MEIS1: variants seen among roughly 807,000 people sequenced by gnomAD.
MEIS1 encodes homeobox protein Meis1.
Under a neutral mutation model 50.8 loss-of-function variants are expected in MEIS1, and 5 were observed. The observed-to-expected ratio is 0.10, with a 90% CI of 0.05 to 0.21. The LOEUF is 0.21. MEIS1 is among the 10% of genes least tolerant of loss of function. MEIS1 has a pLI of 1.00. For missense variants in MEIS1, 318 were observed against 517.3 expected, an observed-to-expected ratio of 0.61 and a Z score of 3.74; for synonymous variants, 176 against 179.3, an observed-to-expected ratio of 0.98 and a Z score of 0.15.
chr2:66,490,632 GT>G lies in MEIS1; in HGVS notation c.743-21511del, dbSNP rs376376421. 1.2e-4 allele frequency among the ~76,000 whole-genome samples: 18 copies of G among 152,146 alleles called. No homozygotes were observed. In the East Asian group the frequency reaches 1.4e-3, roughly 11 times the overall value. ...TTTCAATGATTCAAGCCATGCATAG[GT>G]TTTTTCCCCCATTGCAATATGATCT... On this transcript the variant is annotated intron_variant, in intron 7 of 12. Transcript: ENST00000272369.
chr2:66,495,079 C>T (rs6546233), intron 7 of MEIS1, among the ~76,000 whole-genome samples: 89,201 of 128,406 alleles, frequency 0.69, 33,424 homozygotes, highest in Non-Finnish European at 0.82. Flanking sequence ...CCTCTTCTGA[C>T]CTTTTTTTTT....
intron 7 of MEIS1, among the ~76,000 whole-genome samples, chr2:66,505,605 T>G (rs1558542718): frequency 6.6e-6 from 1 of 152,174 alleles, no homozygotes; most frequent in African/African-American, 2.4e-5. Flanking sequence ...ACTGAGTTTC[T>G]CAGCTATGGT....
chr2:66,484,567 A>AT lies in MEIS1; in HGVS notation c.742+20355dup, dbSNP rs199837844. Among the ~76,000 whole-genome samples the AT allele has an allele frequency of 4.6e-3, 701 of 151,056 alleles. 25 individuals carry two copies. Among genetic ancestry groups the AT allele is most frequent in the Admixed American group, 0.04 (602 of 15,142 alleles). Reference sequence around the variant, plus strand: ...CTTTCTTTCTTTCTTTTATTTATTTATTTTTTTTGAGATGGAGTTTCACTT... The same window carrying AT: ...CTTTCTTTCTTTCTTTTATTTATTTATTTTTTTTTGAGATGGAGTTTCACTT... On this transcript the variant is annotated intron_variant, in intron 7 of 12. Transcript: ENST00000272369.
chr2:66,554,709 T>C (rs1341632357), intron 9 of MEIS1, among the ~76,000 whole-genome samples: 1 of 152,118 alleles, frequency 6.6e-6, no homozygotes, highest in Non-Finnish European at 1.5e-5. Flanking sequence ...ATAATGTGAA[T>C]CAAAGAGAAG....
intron 9 of MEIS1, among the ~76,000 whole-genome samples, chr2:66,553,620 T>C (rs547351871): frequency 2.6e-5 from 4 of 152,352 alleles, no homozygotes; most frequent in Admixed American, 2.0e-4. Context: ...GGAAAAGAGC[T>C]GTGAATTTAG....
rs1675488755 is a variant in MEIS1, at chr2:66,571,570, A to G, written c.*362A>G. On this transcript the variant is annotated 3_prime_UTR_variant, in exon 13 of 13. Transcript: ENST00000272369. ...ATTGTCTGCAATGGTGACTGATTTC[A>G]AATCATGTTTTTTCTGCAATGACTG... The G allele has an allele frequency of 6.5e-7, 1 of 1,548,888 alleles. No individual in the cohort carries two copies. The highest frequency in any genetic ancestry group is 8.7e-7 in the Non-Finnish European group (1 of 1,146,116).
At position 66,436,892 on chromosome 2, in the gene MEIS1, G is replaced by A. The variant is rs1328943765; in HGVS notation, c.13-845G>A. The stretch of plus-strand genomic sequence containing the variant: ...AAGTAGTTTTTTTTTTTTTTTTCTG[G>A]AAGAGGAAGATGGAAAGTTGTGCAT... On this transcript the variant is annotated intron_variant, in intron 1 of 12. Transcript: ENST00000272369. 4 of 964,384 alleles carry A rather than the reference G, an allele frequency of 4.1e-6. No homozygotes were observed. The African/African-American group carries it at 5.5e-5, about 13-fold the overall frequency. The allele number at this position is 964,384 out of a possible 1,614,324, so 59.7% of individuals were successfully genotyped here. A position where few individuals can be genotyped will look rare whatever the true frequency, so the allele number is the denominator to read the frequency against.
At chr2:66,513,317 T>C (rs1673878008) in intron 8 of MEIS1, among the ~76,000 whole-genome samples, 1 of 152,134 alleles carries the variant, frequency 6.6e-6, no homozygotes, top group African/African-American at 2.4e-5. Flanking sequence ...TAGCTTGCTT[T>C]TCCTAAAGTC....
At chr2:66,539,351 A>G (rs889453225) in intron 8 of MEIS1, among the ~76,000 whole-genome samples, 4 of 152,244 alleles carry the variant, frequency 2.6e-5, no homozygotes, top group African/African-American at 7.2e-5. Flanking sequence ...AGGTACACAC[A>G]CATACGTTAA....
intron 7 of MEIS1, among the ~76,000 whole-genome samples, chr2:66,487,293 A>G (rs1476110001): frequency 6.6e-6 from 1 of 152,178 alleles, no homozygotes; most frequent in Non-Finnish European, 1.5e-5. Context: ...TGTACAATAA[A>G]CACCTGTAAC....
rs2103881730 is a variant in MEIS1, at chr2:66,525,600, C to T, written c.888+13306C>T. Among the ~76,000 whole-genome samples, 4 of 152,244 alleles carry T rather than the reference C, an allele frequency of 2.6e-5. No homozygotes were observed. In the South Asian group the frequency reaches 8.3e-4, roughly 32 times the overall value. The stretch of plus-strand genomic sequence containing the variant: ...ATGTTTTTTAAGCATATAAGAAGTT[C>T]CTTTTGAATATCAAAGCACTTTCAT... On this transcript the variant is annotated intron_variant, in intron 8 of 12. Coordinates refer to ENST00000272369, the MANE Select transcript of MEIS1 (RefSeq NM_002398.3).
intron 8 of MEIS1, among the ~76,000 whole-genome samples, chr2:66,545,463 T>G (rs889608328): frequency 5.9e-5 from 9 of 152,194 alleles, no homozygotes; most frequent in Admixed American, 4.6e-4. Flanking sequence ...CAATGGATCT[T>G]AGAACTCTGG....
chr2:66,512,044 TC>T, intron 7 of MEIS1, 104 bp from the exon 8 acceptor site: 2 of 1,242,314 alleles, frequency 1.6e-6, no homozygotes, highest in Non-Finnish European at 2.1e-6. Flanking sequence ...AAACTATTAA[TC>T]ATTTAAATTT....
intron 9 of MEIS1, among the ~76,000 whole-genome samples, chr2:66,548,713 G>A (rs1674850088): frequency 6.6e-6 from 1 of 152,198 alleles, no homozygotes; most frequent in Non-Finnish European, 1.5e-5. Context: ...TGTGCTGAAA[G>A]CCAGGTTTCA....
chr2:66,468,681 A>G (rs1055023922), intron 7 of MEIS1, among the ~76,000 whole-genome samples: 2 of 152,164 alleles, frequency 1.3e-5, no homozygotes, highest in Non-Finnish European at 2.9e-5. Flanking sequence ...AGATCATTTG[A>G]CAGACATTCT....
At chr2:66,531,038 C>T (rs1028119007) in intron 8 of MEIS1, among the ~76,000 whole-genome samples, 1 of 152,298 alleles carries the variant, frequency 6.6e-6, no homozygotes, top group Non-Finnish European at 1.5e-5. Flanking sequence ...GACAAATCCA[C>T]ACAACATTGT....
At chr2:66,543,334 A>G (rs1304847717) in intron 8 of MEIS1, among the ~76,000 whole-genome samples, 1 of 152,210 alleles carries the variant, frequency 6.6e-6, no homozygotes, top group African/African-American at 2.4e-5. Flanking sequence ...CCAGAAATAC[A>G]TGAAGAGTGG....
chr2:66,483,994 A>G (rs768307817), intron 7 of MEIS1, among the ~76,000 whole-genome samples: 3 of 152,228 alleles, frequency 2.0e-5, no homozygotes, highest in East Asian at 3.9e-4. Flanking sequence ...CAGTACATCA[A>G]TGTTACTGGT....
At position 66,464,132 on chromosome 2, in the gene MEIS1, T is replaced by A. The variant is rs373697250; in HGVS notation, c.654T>A (p.Asp218Glu). ...TDQPSWNRDHDDTASTRSGGT... is the reference protein window; with the variant it reads ...TDQPSWNRDHEDTASTRSGGT... ...AGCCCTCTTGGAACAGAGATCATGA[T>A]GACACGGCATCTACTCGTTCAGGAG... is the stretch of plus-strand genomic sequence containing the variant. The change falls in exon 7 of 13, where the codon GAT becomes GAA. Residue 218 changes from aspartate to glutamate, a missense_variant. Physicochemically the swap from Asp to Glu is conservative, Grantham distance 45 (BLOSUM62 2). Coordinates refer to ENST00000272369, the MANE Select transcript of MEIS1 (RefSeq NM_002398.3). 3 of 1,602,626 alleles carry A rather than the reference T, an allele frequency of 1.9e-6. No homozygotes were observed. The highest frequency in any genetic ancestry group is 2.3e-5 in the East Asian group (1 of 44,424).
Sources: allele counts gnomAD v4.1 joint callset (sites outside exome capture counted in the v4.1 genomes callset), GRCh38; gene constraint gnomAD v4.1.1; transcripts MANE v1.5; gene names NCBI Gene and HGNC (gene_info 2026-07-23, HGNC 2026-07-21).